GLG1: variants seen among roughly 807,000 people sequenced by gnomAD.
The protein encoded by GLG1 is Golgi apparatus protein 1.
GLG1 carries 38 observed loss-of-function variants against 160.5 expected under a neutral mutation model. That is an observed-to-expected ratio of 0.24 (90% CI 0.18 to 0.31). The LOEUF is 0.31. Among genes scored for constraint, GLG1 ranks in the 10% least tolerant of loss-of-function variants. The probability of loss-of-function intolerance (pLI) is 1.00; values close to 1 mark genes in which losing one functional copy is unlikely to be tolerated. For synonymous variants in GLG1, 644 were observed against 543.4 expected (o/e 1.19, Z -2.57); for missense variants, 1,373 against 1,505.2 (o/e 0.91, Z 1.45).
chr16:74,580,232 C>T (rs1387881376), intron 1 of GLG1, among the ~76,000 whole-genome samples: 1 of 152,020 alleles, frequency 6.6e-6, no homozygotes, highest in Non-Finnish European at 1.5e-5. Context: ...ACCTGTAATC[C>T]CAGCACTTTG....
rs376914190 is a variant in GLG1, at chr16:74,492,953, C to T, written c.1234+4G>A. ...GATAATTAAAAAAAAAATATGAATG[C>T]TACCTCTGTGTACAGCTGACTCCAG... is the stretch of plus-strand genomic sequence containing the variant. On this transcript the variant is annotated splice_donor_region_variant and intron_variant, in intron 7 of 25. Transcript: ENST00000422840. 179 of 1,559,134 alleles carry T rather than the reference C, an allele frequency of 1.1e-4. No homozygotes were observed. The highest frequency in any genetic ancestry group is 1.4e-4 in the Non-Finnish European group (163 of 1,153,002).
intron 1 of GLG1, among the ~76,000 whole-genome samples, chr16:74,560,565 A>G (rs1022861750): frequency 1.1e-4 from 16 of 152,194 alleles, no homozygotes; most frequent in African/African-American, 3.6e-4. Flanking sequence ...ATGGCCTTGA[A>G]CTGACCTCAG....
At chr16:74,467,036 AC>A (rs2015026078) in intron 18 of GLG1, among the ~76,000 whole-genome samples, 2 of 152,256 alleles carry the variant, frequency 1.3e-5, no homozygotes, top group African/African-American at 4.8e-5. Flanking sequence ...CACACACAAA[AC>A]AAAAACCATA....
At chr16:74,576,339 T>C (rs2019003747) in intron 1 of GLG1, among the ~76,000 whole-genome samples, 1 of 152,158 alleles carries the variant, frequency 6.6e-6, no homozygotes, top group Non-Finnish European at 1.5e-5. Flanking sequence ...ATAAAGAGAA[T>C]ACAGCCAAAC....
chr16:74,518,028 C>T lies in GLG1; in HGVS notation c.472-9103G>A, dbSNP rs567612250. Reference sequence around the variant, plus strand: ...GGACCTCTTCAAGGAGAACTACAAACCACTGCTCAAGGAAATAAGAGAGGA... The same window carrying T: ...GGACCTCTTCAAGGAGAACTACAAATCACTGCTCAAGGAAATAAGAGAGGA... On this transcript the variant is annotated intron_variant, in intron 2 of 25. Transcript: ENST00000422840. Among the ~76,000 whole-genome samples, 90 of 152,276 alleles carry T rather than the reference C, an allele frequency of 5.9e-4. 1 individual carries two copies. The highest frequency in any genetic ancestry group is 6.8e-3 in the Middle Eastern group (2 of 294).
At chr16:74,564,752 AG>A (rs1200334340) in intron 1 of GLG1, among the ~76,000 whole-genome samples, 1 of 152,246 alleles carries the variant, frequency 6.6e-6, no homozygotes, top group Non-Finnish European at 1.5e-5. Context: ...TCAATAGGCT[AG>A]ACCAGATCAA....
rs1378384247 is a variant in GLG1 at position 74,607,021 on chromosome 16, G to A, written c.74C>T (p.Ala25Val). ...AALHLLLLFAAGAEKLPGQGV... is the reference protein window; with the variant it reads ...AALHLLLLFAVGAEKLPGQGV... ...CTGGCCGGGGAGTTTCTCGGCCCCG[G>A]CCGCGAATAGCAGCAGCAGATGCAG... Residue 25 changes from alanine to valine, a missense_variant, in exon 1 of 26, where the codon GCC (alanine) becomes GTC (valine). Ala to Val is a moderately conservative substitution (Grantham distance 64, BLOSUM62 0). Around this residue, in one of 4 missense-constraint regions of GLG1, gnomAD observed 322 missense variants for 254.6 expected, o/e 1.26. Transcript: ENST00000422840. 1 of 1,598,734 alleles carries A rather than the reference G, an allele frequency of 6.3e-7. No homozygotes were observed. Among genetic ancestry groups the A allele is most frequent in the Admixed American group, 1.7e-5 (1 of 57,934 alleles).
chr16:74,589,329 G>C (rs541983945), intron 1 of GLG1, among the ~76,000 whole-genome samples: 1 of 151,880 alleles, frequency 6.6e-6, no homozygotes, highest in Non-Finnish European at 1.5e-5. Flanking sequence ...TGAAATATTG[G>C]TAATTTCTTA....
chr16:74,551,036 T>C (rs1182380160), intron 1 of GLG1, among the ~76,000 whole-genome samples: 1 of 152,148 alleles, frequency 6.6e-6, no homozygotes, highest in African/African-American at 2.4e-5. Context: ...ATTTAACCCT[T>C]ACAAACTCAG....
intron 25 of GLG1, among the ~76,000 whole-genome samples, chr16:74,454,211 CT>C (rs907448964): frequency 1.3e-5 from 2 of 151,402 alleles, no homozygotes; most frequent in East Asian, 2.0e-4. Context: ...TATATTTTGG[CT>C]TTTTTTTCAT....
At chr16:74,559,071 A>G (rs112052055) in intron 1 of GLG1, among the ~76,000 whole-genome samples, 7 of 151,938 alleles carry the variant, frequency 4.6e-5, no homozygotes, top group African/African-American at 1.4e-4. Context: ...TTTTTTTGCT[A>G]TGTTGCCCAG....
chr16:74,535,947 A>C (rs2432585), intron 1 of GLG1, among the ~76,000 whole-genome samples: 1 of 152,286 alleles, frequency 6.6e-6, no homozygotes, highest in Admixed American at 6.5e-5. Context: ...GAAGAGAGAG[A>C]ACGAAATATA....
intron 2 of GLG1, among the ~76,000 whole-genome samples, chr16:74,509,231 G>A (rs537976186): frequency 2.1e-4 from 30 of 143,574 alleles, no homozygotes; most frequent in African/African-American, 7.0e-4. Flanking sequence ...GGAGTGCAAC[G>A]GCGTGATCGT....
At chr16:74,601,371 G>C (rs1188005669) in intron 1 of GLG1, among the ~76,000 whole-genome samples, 1 of 151,620 alleles carries the variant, frequency 6.6e-6, no homozygotes, top group African/African-American at 2.4e-5. Context: ...GTTGAGCTCA[G>C]GAGTTAGAGA....
At chr16:74,491,333 G>A in intron 7 of GLG1, 118 bp from the exon 8 acceptor site, 3 of 750,124 alleles carry the variant, frequency 4.0e-6, no homozygotes, top group Non-Finnish European at 6.7e-6. Context: ...TATCAGACAT[G>A]CTAACATCTG....
chr16:74,560,724 G>A (rs1022930750), intron 1 of GLG1, among the ~76,000 whole-genome samples: 2 of 151,754 alleles, frequency 1.3e-5, no homozygotes, highest in African/African-American at 4.8e-5. Flanking sequence ...GCTTAGGCCT[G>A]TAACCCCAGC....
intron 18 of GLG1, among the ~76,000 whole-genome samples, chr16:74,466,232 A>C (rs577302609): frequency 3.3e-5 from 5 of 152,224 alleles, no homozygotes; most frequent in Admixed American, 6.5e-5. Context: ...ACTGGATGCT[A>C]GATATGAATC....
chr16:74,498,740 C>T (rs1191123268), intron 4 of GLG1, among the ~76,000 whole-genome samples: 1 of 149,672 alleles, frequency 6.7e-6, no homozygotes, highest in Admixed American at 6.7e-5. Context: ...TGACACGTAC[C>T]TATAACCCCA....
intron 1 of GLG1, among the ~76,000 whole-genome samples, chr16:74,562,485 G>A (rs2018537569): frequency 6.6e-6 from 1 of 152,034 alleles, no homozygotes. Context: ...TTCTGTAGAT[G>A]GTCTCACTCT....
Sources: gnomAD v4.1 joint callset for allele counts (sites outside exome capture counted in the v4.1 genomes callset) on GRCh38, gnomAD v4.1.1 for gene constraint, gnomAD v4.1.1 regional missense constraint, MANE v1.5 for transcripts, NCBI Gene and HGNC (gene_info 2026-07-23, HGNC 2026-07-21) for gene names.